The following TOB2 variants were observed in gnomAD, a reference collection of about 807,000 sequenced individuals.
The protein encoded by TOB2 is transducer of ERBB2, 2.
A neutral mutation model predicts 17.3 loss-of-function variants in TOB2; 3 were observed. That is an observed-to-expected ratio of 0.17 (90% CI 0.08 to 0.45). TOB2 has a LOEUF of 0.45. Among genes scored for constraint, TOB2 ranks in the 20% least tolerant of loss-of-function variants. The pLI, the probability that TOB2 is intolerant of heterozygous loss-of-function variation, is 0.99. For missense variants in TOB2, 407 were observed against 445.7 expected (o/e 0.91, Z 0.78); for synonymous variants, 163 against 185.6 (o/e 0.88, Z 0.99).
chr22:41,438,522 C>T (rs960964071), intron 1 of TOB2, among the ~76,000 whole-genome samples: 1 of 146,770 alleles, frequency 6.8e-6, no homozygotes, highest in South Asian at 2.2e-4. Context: ...CCCAGCTACC[C>T]GGGAGGTTGA....
chr22:41,445,371 C>A (rs1291570605), intron 1 of TOB2, among the ~76,000 whole-genome samples: 1 of 152,240 alleles, frequency 6.6e-6, no homozygotes, highest in South Asian at 2.1e-4. Flanking sequence ...TCCCCCTATG[C>A]TTCACGGAGG....
At chr22:41,441,503 G>C (rs2037620343) in intron 1 of TOB2, among the ~76,000 whole-genome samples, 1 of 152,080 alleles carries the variant, frequency 6.6e-6, no homozygotes. Flanking sequence ...GAAGAGCCAG[G>C]TGTGGTGGCT....
rs1045621474 is a variant in TOB2, at chr22:41,436,200, G to A, written c.*111C>T. The A allele has an allele frequency of 2.9e-6, 4 of 1,365,898 alleles. No individual in the cohort carries two copies. The highest frequency in any genetic ancestry group is 5.0e-5 in the East Asian group (2 of 39,814). The allele number at this position is 1,365,898 out of a possible 1,614,324, so 84.6% of individuals were successfully genotyped here. On this transcript the variant is annotated 3_prime_UTR_variant, in exon 2 of 2. Transcript: ENST00000327492. This position sits in a 1 kb window ranked among gnomAD's most constrained non-coding sequence, Gnocchi z 4.8. ...CTGGATCTTTTTTCTAGAAGTAAGAGTGAGAAGATCGAAAATCTTTTTGTA... is the reference window on the plus strand; with the variant it reads ...CTGGATCTTTTTTCTAGAAGTAAGAATGAGAAGATCGAAAATCTTTTTGTA...
Position 41,436,052 on chromosome 22 carries a change from A to G in TOB2, c.*259T>C. On this transcript the variant is annotated 3_prime_UTR_variant, in exon 2 of 2. Coordinates refer to ENST00000327492, the MANE Select transcript of TOB2 (RefSeq NM_016272.4). The surrounding 1 kb of genome is among the most constrained non-coding windows in gnomAD (Gnocchi z 4.8). Reference sequence around the variant, plus strand: ...ATAGAAAACTACATGTAAGAAAAAAAAAAAAGAAAAAGAAATATAAAACCC... The same window carrying G: ...ATAGAAAACTACATGTAAGAAAAAAGAAAAAGAAAAAGAAATATAAAACCC... The G allele has an allele frequency of 5.1e-6, 2 of 388,542 alleles. No individual in the cohort carries two copies. Among genetic ancestry groups the G allele is most frequent in the South Asian group, 7.7e-5 (1 of 12,942 alleles). 24.1% of individuals were successfully genotyped at this position (388,542 alleles called of 1,614,324 possible).
Position 41,443,328 on chromosome 22 carries a change from TTC to T in TOB2, c.-63+3049_-63+3050del, listed in dbSNP as rs1491418853. On this transcript the variant is annotated intron_variant, in intron 1 of 1. Transcript: ENST00000327492. ...ATGTCAGAAGCGAAGGAAGATTTTTTTCCCCCCCTCGAGACAGTCTTGCTCTG... is the reference window on the plus strand; with the variant it reads ...ATGTCAGAAGCGAAGGAAGATTTTTTCCCCCCTCGAGACAGTCTTGCTCTG... Among the ~76,000 whole-genome samples, 55 of 152,308 alleles carry T rather than the reference TTC, an allele frequency of 3.6e-4. 1 individual carries two copies. Among genetic ancestry groups the T allele is most frequent in the Admixed American group, 2.1e-3 (32 of 15,292 alleles).
chr22:41,442,701 G>A (rs551826431), intron 1 of TOB2, among the ~76,000 whole-genome samples: 9 of 152,314 alleles, frequency 5.9e-5, no homozygotes, highest in African/African-American at 2.2e-4. Context: ...ATGGAGCAGA[G>A]GATTAAAGCA....
intron 1 of TOB2, among the ~76,000 whole-genome samples, chr22:41,444,889 C>A (rs560920868): frequency 2.6e-5 from 4 of 152,226 alleles, no homozygotes; most frequent in Non-Finnish European, 5.9e-5. Context: ...CCCTTCCCCC[C>A]ACCCAATCTG....
intron 1 of TOB2, 30 bp downstream of exon 1, chr22:41,446,349 C>T (rs2037687921): frequency 6.5e-6 from 1 of 153,062 alleles, no homozygotes; most frequent in Admixed American, 6.5e-5. Context: ...GGGGCGGGCC[C>T]CCCGCCCGCA....
At position 41,435,866 on chromosome 22, in the gene TOB2, G is replaced by A. The variant is rs1296654773; in HGVS notation, c.*445C>T. 1 of 153,832 alleles carries A rather than the reference G, an allele frequency of 6.5e-6. No individual in the cohort carries two copies. Among genetic ancestry groups the A allele is most frequent in the Non-Finnish European group, 1.4e-5 (1 of 68,982 alleles). 9.5% of individuals were successfully genotyped at this position (153,832 alleles called of 1,614,324 possible). On this transcript the variant is annotated 3_prime_UTR_variant, in exon 2 of 2. Transcript: ENST00000327492. Reference sequence around the variant, plus strand: ...CAGTGACACGGGCCAGCCTCTCCCTGTTCCAGGGAGGGTCAGGCTCCAGCT... The same window carrying A: ...CAGTGACACGGGCCAGCCTCTCCCTATTCCAGGGAGGGTCAGGCTCCAGCT...
At chr22:41,441,059 T>G (rs543079183) in intron 1 of TOB2, among the ~76,000 whole-genome samples, 14 of 152,238 alleles carry the variant, frequency 9.2e-5, no homozygotes, top group African/African-American at 3.4e-4. Flanking sequence ...GACTCACGCC[T>G]GTAATCCCAG....
intron 1 of TOB2, among the ~76,000 whole-genome samples, chr22:41,437,693 T>C (rs2037569663): frequency 6.6e-6 from 1 of 152,252 alleles, no homozygotes; most frequent in South Asian, 2.1e-4. Flanking sequence ...GGCTGATGCC[T>C]GTAAGCCCAG....
chr22:41,437,442 G>T, intron 1 of TOB2, 35 bp from the exon 2 acceptor site: 1 of 1,513,770 alleles, frequency 6.6e-7, no homozygotes, highest in South Asian at 1.4e-5. Flanking sequence ...AAAATATGCA[G>T]AAAGCTGGTG....
At position 41,437,037 on chromosome 22, in the gene TOB2, A is replaced by C. The variant is rs1163916173; in HGVS notation, c.309T>G (p.Ile103Met). 3 of 1,614,106 alleles carry C rather than the reference A, an allele frequency of 1.9e-6. No individual in the cohort carries two copies. The South Asian group carries it at 3.3e-5, about 18-fold the overall frequency. ...GCACTTTCACAGCTCCCTTCTCACC[A>C]ATCTGGTAGGACACCTCAAAGGGAT... ...WIDPFEVSYQ[I>M]GEKGAVKVLY... The change falls in exon 2 of 2, where the codon ATT becomes ATG. Residue 103 changes from isoleucine to methionine, a missense_variant. Physicochemically the swap from Ile to Met is conservative, Grantham distance 10. Transcript: ENST00000327492.
Position 41,437,257 on chromosome 22 carries a change from T to A in TOB2, c.89A>T (p.Glu30Val). 2 of 1,614,084 alleles carry A rather than the reference T, an allele frequency of 1.2e-6. No individual in the cohort carries two copies. The highest frequency in any genetic ancestry group is 1.7e-6 in the Non-Finnish European group (2 of 1,179,996). Reference protein sequence around the residue: ...LPRRRADLFGEELERLLKKKY... With the variant: ...LPRRRADLFGVELERLLKKKY... ...CTTTTTCAAAAGCCGCTCTAGCTCC[T>A]CCCCAAACAGGTCTGCCCGGCGCCG... Residue 30 changes from glutamate (E) to valine (V), a missense_variant, in exon 2 of 2, where the codon GAG becomes GTG. By Grantham distance (121) the Glu-to-Val change is moderately radical. Transcript: ENST00000327492.
Position 41,437,022 on chromosome 22 carries a change from A to G in TOB2, c.324T>C (p.Ala108=). 1 of 1,614,094 alleles carries G rather than the reference A, an allele frequency of 6.2e-7. No homozygotes were observed. The highest frequency in any genetic ancestry group is 8.5e-7 in the Non-Finnish European group (1 of 1,180,014). Residue 108 remains alanine (A), a synonymous_variant, in exon 2 of 2, where the codon GCT becomes GCC. Coordinates refer to ENST00000327492, the MANE Select transcript of TOB2 (RefSeq NM_016272.4). ...EVSYQIGEKG[A]VKVLYLDDSE... is the part of the protein sequence containing the mutation. ...TGTCATCCAGGTACAGCACTTTCAC[A>G]GCTCCCTTCTCACCAATCTGGTAGG...
chr22:41,439,822 G>C (rs2037593959), intron 1 of TOB2, among the ~76,000 whole-genome samples: 1 of 151,780 alleles, frequency 6.6e-6, no homozygotes, highest in African/African-American at 2.4e-5. Context: ...GGCCTTAAGG[G>C]GCATTTTTGG....
chr22:41,444,285 C>A (rs1220523919), intron 1 of TOB2, among the ~76,000 whole-genome samples: 1 of 152,168 alleles, frequency 6.6e-6, no homozygotes, highest in African/African-American at 2.4e-5. Context: ...GACTGCAACA[C>A]CGCGCCCAGT....
At chr22:41,440,276 C>A (rs2037601229) in intron 1 of TOB2, among the ~76,000 whole-genome samples, 1 of 149,576 alleles carries the variant, frequency 6.7e-6, no homozygotes, top group South Asian at 2.1e-4. Context: ...CACCACCACT[C>A]CTGGCTAATT....
intron 1 of TOB2, among the ~76,000 whole-genome samples, chr22:41,444,043 G>A (rs533488684): frequency 2.0e-5 from 3 of 152,342 alleles, no homozygotes; most frequent in Admixed American, 1.3e-4. Context: ...CCTTAAATGT[G>A]CAAACTGTCC....
Sources: allele counts gnomAD v4.1 joint callset (sites outside exome capture counted in the v4.1 genomes callset), GRCh38; gene constraint gnomAD v4.1.1; non-coding constraint Gnocchi (gnomAD v3.1); transcripts MANE v1.5; gene names NCBI Gene and HGNC (gene_info 2026-07-23, HGNC 2026-07-21).